The following AGAP1 variants were observed in gnomAD, a reference collection of about 807,000 sequenced individuals.
AGAP1 encodes arf-GAP with GTPase, ANK repeat and PH domain-containing protein 1.
AGAP1 carries 29 observed loss-of-function variants against 105.3 expected under a neutral mutation model. The ratio of observed to expected loss-of-function variants is 0.28; its 90% CI spans 0.21 to 0.38. The LOEUF is 0.38. Among genes scored for constraint, AGAP1 ranks in the 10% least tolerant of loss-of-function variants. The pLI, the probability that AGAP1 is intolerant of heterozygous loss-of-function variation, is 1.00. For synonymous variants in AGAP1, 509 were observed against 485.9 expected, an observed-to-expected ratio of 1.05 and a Z score of -0.63; for missense variants, 998 against 1,165.1, an observed-to-expected ratio of 0.86 and a Z score of 2.09.
intron 1 of AGAP1, among the ~76,000 whole-genome samples, chr2:235,571,145 C>T (rs1452653777): frequency 6.6e-6 from 1 of 152,164 alleles, no homozygotes; most frequent in African/African-American, 2.4e-5. Flanking sequence ...CTCCTTATCA[C>T]AGGAACAGCA....
chr2:235,903,476 A>G (rs1426868780), intron 10 of AGAP1, among the ~76,000 whole-genome samples: 2 of 152,230 alleles, frequency 1.3e-5, no homozygotes, highest in Non-Finnish European at 2.9e-5. Flanking sequence ...CTGTGAACAC[A>G]TCAGCAAACC....
intron 12 of AGAP1, among the ~76,000 whole-genome samples, chr2:235,932,215 G>GC: frequency 6.6e-6 from 1 of 152,284 alleles, no homozygotes; most frequent in South Asian, 2.1e-4. Flanking sequence ...CTGAAGCCCC[G>GC]CCACCTGCCA....
At chr2:235,918,914 T>G (rs2052032243) in intron 11 of AGAP1, among the ~76,000 whole-genome samples, 1 of 152,134 alleles carries the variant, frequency 6.6e-6, no homozygotes, top group Non-Finnish European at 1.5e-5. Context: ...TAAAGCAACT[T>G]GATTCCTGAT....
intron 9 of AGAP1, among the ~76,000 whole-genome samples, chr2:235,810,713 C>G (rs944156936): frequency 6.6e-6 from 1 of 152,146 alleles, no homozygotes; most frequent in Admixed American, 6.5e-5. Flanking sequence ...TTAAAGATTC[C>G]CCATCAAGAA....
At chr2:235,772,624 TATC>T (rs908909109) in intron 6 of AGAP1, among the ~76,000 whole-genome samples, 2 of 152,242 alleles carry the variant, frequency 1.3e-5, no homozygotes, top group African/African-American at 4.8e-5. Flanking sequence ...TTTTCTTGAT[TATC>T]TTCTTCTGGG....
chr2:235,846,582 C>T (rs1414958705), intron 9 of AGAP1, among the ~76,000 whole-genome samples: 2 of 151,970 alleles, frequency 1.3e-5, no homozygotes, highest in Admixed American at 1.3e-4. Context: ...CATCCCACCT[C>T]AGCCTGTAAA....
In AGAP1 at chr2:236,118,563, A is replaced by G. The variant is rs532842449; in HGVS notation, c.2115-1629A>G. 2.0e-5 allele frequency among the ~76,000 whole-genome samples: 3 copies of G among 151,304 alleles called. No homozygotes were observed. In the South Asian group the frequency reaches 6.3e-4, roughly 32 times the overall value. On this transcript the variant is annotated intron_variant, in intron 16 of 17. Coordinates refer to ENST00000304032, the MANE Select transcript of AGAP1 (RefSeq NM_001037131.3). ...TGCCACCACACCGGCTAATTTTTGT[A>G]TTTTTAGTAGAGACAGGGTTTCACC...
At position 236,123,924 on chromosome 2, in the gene AGAP1, A is replaced by C. The variant is rs2125986609; in HGVS notation, c.2376A>C (p.Gly792=). The change falls in exon 18 of 18, where the codon GGA becomes GGC. Residue 792 remains glycine, a synonymous_variant. Transcript: ENST00000304032. This position sits in a 1 kb window ranked among gnomAD's most constrained non-coding sequence, Gnocchi z 4.6. ...VVLAQLLIWY[G]VDVTARDAHG... ...GGGCTCCCTTACCTCCGCAGTACGGAGTGGACGTCACGGCCCGAGATGCCC... is the reference window on the plus strand; with the variant it reads ...GGGCTCCCTTACCTCCGCAGTACGGCGTGGACGTCACGGCCCGAGATGCCC... The C allele has an allele frequency of 6.2e-7, 1 of 1,612,676 alleles. No individual in the cohort carries two copies. Among genetic ancestry groups the C allele is most frequent in the Non-Finnish European group, 8.5e-7 (1 of 1,179,778 alleles).
intron 15 of AGAP1, among the ~76,000 whole-genome samples, chr2:236,048,345 T>C (rs2057787205): frequency 6.6e-6 from 1 of 152,224 alleles, no homozygotes; most frequent in Admixed American, 6.5e-5. Context: ...GCACAATCCT[T>C]GCACTAGTCC....
At chr2:235,637,835 C>T (rs1947057092) in intron 1 of AGAP1, among the ~76,000 whole-genome samples, 1 of 152,156 alleles carries the variant, frequency 6.6e-6, no homozygotes, top group South Asian at 2.1e-4. Flanking sequence ...CTGGTGGCAT[C>T]CTTCAGCCCG....
chr2:235,512,071 A>ATGTGAATGCGTG (rs1942163330), intron 1 of AGAP1, among the ~76,000 whole-genome samples: 1 of 123,770 alleles, frequency 8.1e-6, no homozygotes, highest in Non-Finnish European at 1.7e-5. Flanking sequence ...GTATGTGTGA[A>ATGTGAATGCGTG]TGTGAATGCG....
rs189595072 is a variant in AGAP1 at position 235,548,291 on chromosome 2, A to G, written c.163+53442A>G. 1.6e-3 allele frequency among the ~76,000 whole-genome samples: 240 copies of G among 152,220 alleles called. 1 individual carries two copies. Among genetic ancestry groups the G allele is most frequent in the Middle Eastern group, 6.8e-3 (2 of 294 alleles). Reference sequence around the variant, plus strand: ...AATGCACTGCAGGCTGGTGCTGCTGAATCGGCTCACTTTCTCCCATTTCCT... The same window carrying G: ...AATGCACTGCAGGCTGGTGCTGCTGGATCGGCTCACTTTCTCCCATTTCCT... On this transcript the variant is annotated intron_variant, in intron 1 of 17. Coordinates refer to ENST00000304032, the MANE Select transcript of AGAP1 (RefSeq NM_001037131.3).
rs1156521126 is a variant in AGAP1, at chr2:235,806,173, T to C, written c.958-1066T>C. ...CACATCCCTTTGAACCTGGATTCCATTAGCTTTTCATTGTAGCAGTGGACA... is the reference window on the plus strand; with the variant it reads ...CACATCCCTTTGAACCTGGATTCCACTAGCTTTTCATTGTAGCAGTGGACA... On this transcript the variant is annotated intron_variant, in intron 8 of 17. Transcript: ENST00000304032. Among the ~76,000 whole-genome samples the C allele has an allele frequency of 3.3e-5, 5 of 152,356 alleles. No homozygotes were observed. The East Asian group carries it at 7.7e-4, about 24-fold the overall frequency.
chr2:236,063,710 C>T (rs993326481), intron 16 of AGAP1, among the ~76,000 whole-genome samples: 11 of 152,254 alleles, frequency 7.2e-5, no homozygotes, highest in South Asian at 4.1e-4. Flanking sequence ...GCAAACTGTC[C>T]GAGGCCAGTG....
At chr2:235,839,330 C>T (rs963491450) in intron 9 of AGAP1, among the ~76,000 whole-genome samples, 2 of 152,228 alleles carry the variant, frequency 1.3e-5, no homozygotes, top group Admixed American at 6.5e-5. Flanking sequence ...CACATACACA[C>T]GCACACACTC....
At chr2:235,846,500 G>T (rs60341546) in intron 9 of AGAP1, among the ~76,000 whole-genome samples, 1,945 of 141,292 alleles carry the variant, frequency 0.014, 44 homozygotes, top group African/African-American at 0.054. Context: ...CTAATTTTTG[G>T]TTTTTTTTTT....
At chr2:236,019,414 A>G (rs2056814583) in intron 13 of AGAP1, among the ~76,000 whole-genome samples, 1 of 152,248 alleles carries the variant, frequency 6.6e-6, no homozygotes, top group African/African-American at 2.4e-5. Context: ...TTTAGGGGTC[A>G]GGACAGGTAT....
Position 236,012,064 on chromosome 2 carries a change from C to G in AGAP1, c.1646-24497C>G, listed in dbSNP as rs765873059. Reference sequence around the variant, plus strand: ...CCGGAGACCGATGCACATATCAGGACCTTGGTATCAGCTAGAAAACATCCA... The same window carrying G: ...CCGGAGACCGATGCACATATCAGGAGCTTGGTATCAGCTAGAAAACATCCA... On this transcript the variant is annotated intron_variant, in intron 13 of 17. Transcript: ENST00000304032. This position sits in a 1 kb window ranked among gnomAD's most constrained non-coding sequence, Gnocchi z 4.9. Among the ~76,000 whole-genome samples, 29 of 152,050 alleles carry G rather than the reference C, an allele frequency of 1.9e-4. No individual in the cohort carries two copies. The highest frequency in any genetic ancestry group is 1.2e-4 in the Non-Finnish European group (8 of 68,012).
chr2:235,730,432 G>T (rs1241647075), intron 3 of AGAP1, among the ~76,000 whole-genome samples: 1 of 143,872 alleles, frequency 7.0e-6, no homozygotes, highest in Non-Finnish European at 1.5e-5. Flanking sequence ...CAGATGAGGA[G>T]TTAGGCACTT....
Sources: allele counts gnomAD v4.1 joint callset (sites outside exome capture counted in the v4.1 genomes callset), GRCh38; gene constraint gnomAD v4.1.1; non-coding constraint Gnocchi (gnomAD v3.1); transcripts MANE v1.5; gene names NCBI Gene and HGNC (gene_info 2026-07-23, HGNC 2026-07-21).